KPNA1: variants seen among roughly 807,000 people sequenced by gnomAD.
The protein encoded by KPNA1 is importin subunit alpha-5.
A neutral mutation model predicts 70.5 loss-of-function variants in KPNA1; 10 were observed. That is an observed-to-expected ratio of 0.14 (90% CI 0.09 to 0.24). The LOEUF (loss-of-function observed/expected upper bound fraction) is 0.24, where lower values mean the gene tolerates loss of function less well. Among genes scored for constraint, KPNA1 ranks in the 10% least tolerant of loss-of-function variants. The pLI, the probability that KPNA1 is intolerant of heterozygous loss-of-function variation, is 1.00. For missense variants in KPNA1, 397 were observed against 637.9 expected, an observed-to-expected ratio of 0.62 and a Z score of 4.07; for synonymous variants, 192 against 221.9, an observed-to-expected ratio of 0.87 and a Z score of 1.20.
In KPNA1 at chr3:122,464,867, A is replaced by T. The variant is rs75970212; in HGVS notation, c.238-826T>A. 1.6e-4 allele frequency among the ~76,000 whole-genome samples: 24 copies of T among 152,344 alleles called. No individual in the cohort carries two copies. In the East Asian group the frequency reaches 4.4e-3, roughly 28 times the overall value. Reference sequence around the variant, plus strand: ...TGCACTAAGCTGTAAATGCTAGATGACTGGTAAGCAATACCTAAGAATCCT... The same window carrying T: ...TGCACTAAGCTGTAAATGCTAGATGTCTGGTAAGCAATACCTAAGAATCCT... On this transcript the variant is annotated intron_variant, in intron 3 of 13. Coordinates refer to ENST00000344337, the MANE Select transcript of KPNA1 (RefSeq NM_002264.4).
chr3:122,502,287 GT>G (rs1472951697), intron 1 of KPNA1, among the ~76,000 whole-genome samples: 5 of 152,192 alleles, frequency 3.3e-5, no homozygotes, highest in Admixed American at 2.0e-4. Flanking sequence ...AAACTCTTAT[GT>G]TGACACCCTA....
intron 1 of KPNA1, among the ~76,000 whole-genome samples, chr3:122,500,098 G>A (rs1207514133): frequency 6.6e-6 from 1 of 151,960 alleles, no homozygotes; most frequent in Non-Finnish European, 1.5e-5. Context: ...TTTATTTACT[G>A]GGATACAACT....
chr3:122,447,650 A>G (rs2076154715), intron 9 of KPNA1, among the ~76,000 whole-genome samples: 3 of 152,232 alleles, frequency 2.0e-5, no homozygotes. Flanking sequence ...CGTATTCAAC[A>G]CAGCACTGGA....
At chr3:122,491,805 T>A (rs1012477832) in intron 2 of KPNA1, among the ~76,000 whole-genome samples, 14 of 132,318 alleles carry the variant, frequency 1.1e-4, no homozygotes, top group African/African-American at 1.6e-4. Flanking sequence ...AATCGTTAGT[T>A]ATAAGAGGTG....
intron 2 of KPNA1, among the ~76,000 whole-genome samples, chr3:122,475,910 A>C (rs2107757090): frequency 6.6e-6 from 1 of 152,292 alleles, no homozygotes; most frequent in Non-Finnish European, 1.5e-5. Context: ...TCTCATCTTC[A>C]AGTTGAGTAA....
intron 2 of KPNA1, among the ~76,000 whole-genome samples, chr3:122,487,707 A>G (rs1458659749): frequency 6.6e-6 from 1 of 152,222 alleles, no homozygotes; most frequent in Non-Finnish European, 1.5e-5. Context: ...TAGAGAAATC[A>G]AAATCATGGA....
intron 8 of KPNA1, among the ~76,000 whole-genome samples, chr3:122,450,536 C>T (rs960997718): frequency 1.3e-5 from 2 of 152,098 alleles, no homozygotes; most frequent in Non-Finnish European, 2.9e-5. Flanking sequence ...GTGCCGAGAC[C>T]GCGCCACTGC....
chr3:122,492,186 C>T (rs933905364), intron 2 of KPNA1, among the ~76,000 whole-genome samples: 2 of 152,160 alleles, frequency 1.3e-5, no homozygotes, highest in African/African-American at 2.4e-5. Flanking sequence ...ACTATGCTTT[C>T]TTTCCAATCC....
rs1359754049 is a variant in KPNA1, at chr3:122,423,378, T to C, written c.*3607A>G. On this transcript the variant is annotated 3_prime_UTR_variant, in exon 14 of 14. Coordinates refer to ENST00000344337, the MANE Select transcript of KPNA1 (RefSeq NM_002264.4). ...CTGCAAATGAGCACATTTTGGAACG[T>C]AGGAGTTAGCATACAGTATGAAAGT... 2 of 152,226 alleles carry C rather than the reference T, an allele frequency of 1.3e-5. No homozygotes were observed. The highest frequency in any genetic ancestry group is 1.9e-4 in the East Asian group (1 of 5,202). 9.4% of individuals were successfully genotyped at this position (152,226 alleles called of 1,614,324 possible).
intron 1 of KPNA1, among the ~76,000 whole-genome samples, chr3:122,507,212 G>A (rs551617146): frequency 8.5e-5 from 13 of 152,248 alleles, no homozygotes; most frequent in East Asian, 7.7e-4. Flanking sequence ...AGGCCAAGGC[G>A]GGCGGATCAC....
rs568903091 is a variant in KPNA1 at position 122,427,182 on chromosome 3, A to G, written c.1430-10T>C. The G allele has an allele frequency of 1.2e-5, 19 of 1,591,610 alleles. No homozygotes were observed. The highest frequency in any genetic ancestry group is 1.6e-5 in the Non-Finnish European group (19 of 1,164,342). On this transcript the variant is annotated splice_polypyrimidine_tract_variant and intron_variant, in intron 13 of 13. Coordinates refer to ENST00000344337, the MANE Select transcript of KPNA1 (RefSeq NM_002264.4). ...TCAATTTTATCCAGACCTAAAATGAAGAATAAAGGAAAATCTTTATTGAAA... is the reference window on the plus strand; with the variant it reads ...TCAATTTTATCCAGACCTAAAATGAGGAATAAAGGAAAATCTTTATTGAAA...
chr3:122,505,774 T>C (rs577077982), intron 1 of KPNA1, among the ~76,000 whole-genome samples: 1 of 152,320 alleles, frequency 6.6e-6, no homozygotes, highest in African/African-American at 2.4e-5. Context: ...GCTTATTCTA[T>C]CCAAAGTCTT....
chr3:122,465,246 G>A (rs368015965), intron 3 of KPNA1, among the ~76,000 whole-genome samples: 1 of 152,140 alleles, frequency 6.6e-6, no homozygotes, highest in Non-Finnish European at 1.5e-5. Context: ...AATGAATGGG[G>A]TTATGCCCCA....
rs186529768 is a variant in KPNA1 at position 122,439,066 on chromosome 3, C to T, written c.997-1771G>A. On this transcript the variant is annotated intron_variant, in intron 10 of 13. Transcript: ENST00000344337. ...GCAAATTAAAATGAAGTCTTTTATG[C>T]CTATTAAATAGGCAATAGGATTTCA... Among the ~76,000 whole-genome samples, 17 of 152,154 alleles carry T rather than the reference C, an allele frequency of 1.1e-4. No individual in the cohort carries two copies. In the East Asian group the frequency reaches 3.1e-3, roughly 28 times the overall value.
intron 2 of KPNA1, among the ~76,000 whole-genome samples, chr3:122,471,187 G>T (rs1043915151): frequency 6.6e-6 from 1 of 152,152 alleles, no homozygotes; most frequent in East Asian, 1.9e-4. Flanking sequence ...AGGGGTGAGA[G>T]TAAGGGCAGG....
intron 4 of KPNA1, among the ~76,000 whole-genome samples, chr3:122,462,247 C>T (rs2107745656): frequency 6.6e-6 from 1 of 152,114 alleles, no homozygotes. Context: ...AGAAATAAAG[C>T]AAAGTTCAGC....
intron 5 of KPNA1, among the ~76,000 whole-genome samples, chr3:122,455,490 A>G (rs902102065): frequency 2.0e-5 from 3 of 152,218 alleles, no homozygotes; most frequent in African/African-American, 7.2e-5. Context: ...TACTAATGAA[A>G]GCAACACTCA....
Position 122,433,702 on chromosome 3 carries a change from G to T in KPNA1, c.1209C>A (p.Ala403=), listed in dbSNP as rs140160761. The T allele has an allele frequency of 6.2e-7, 1 of 1,612,904 alleles. No homozygotes were observed. The highest frequency in any genetic ancestry group is 1.3e-5 in the African/African-American group (1 of 74,828). The change falls in exon 12 of 14, where the codon GCC becomes GCA. Residue 403 remains alanine, a synonymous_variant. Coordinates refer to ENST00000344337, the MANE Select transcript of KPNA1 (RefSeq NM_002264.4). The part of the protein sequence containing the change: ...EFRTRKEAAW[A]ITNATSGGSA... ...ATCCTCCAGAAGTTGCATTTGTGATGGCCCAAGCTGCTTCTTTTCTTGTCC... is the reference window on the plus strand; with the variant it reads ...ATCCTCCAGAAGTTGCATTTGTGATTGCCCAAGCTGCTTCTTTTCTTGTCC...
chr3:122,451,698 C>T, intron 7 of KPNA1, 65 bp from the exon 8 acceptor site: 2 of 1,022,134 alleles, frequency 2.0e-6, no homozygotes, highest in Non-Finnish European at 3.0e-6. Flanking sequence ...GACATAAATA[C>T]TAAATAATAA....
Sources: gnomAD v4.1 joint callset for allele counts (sites outside exome capture counted in the v4.1 genomes callset) on GRCh38, gnomAD v4.1.1 for gene constraint, MANE v1.5 for transcripts, NCBI Gene and HGNC (gene_info 2026-07-23, HGNC 2026-07-21) for gene names.